FSCN2: variants seen among roughly 807,000 people sequenced by gnomAD.
FSCN2 encodes fascin-2.
Under a neutral mutation model 37.8 loss-of-function variants are expected in FSCN2, and 46 were observed. The observed-to-expected ratio is 1.22, with a 90% CI of 0.96 to 1.56. The LOEUF is 1.56. Ranked by LOEUF, FSCN2 falls within the 40% of genes most tolerant of loss-of-function variation. The pLI, the probability that FSCN2 is intolerant of heterozygous loss-of-function variation, is 0.00. For synonymous variants in FSCN2, 351 were observed against 309.4 expected, an observed-to-expected ratio of 1.13 and a Z score of -1.41; for missense variants, 844 against 730.4, an observed-to-expected ratio of 1.16 and a Z score of -1.79.
the FSCN2 span, among the ~76,000 whole-genome samples, chr17:81,523,366 C>A: frequency 6.6e-6 from 1 of 152,366 alleles, no homozygotes; most frequent in South Asian, 2.1e-4. Flanking sequence ...CCAACCCAGG[C>A]CAGAGAAAGA....
intron 1 of FSCN2, among the ~76,000 whole-genome samples, chr17:81,532,248 G>GTGA (rs548692502): frequency 7.4e-6 from 1 of 134,456 alleles, no homozygotes; most frequent in Admixed American, 7.5e-5. Flanking sequence ...GATGGTGATG[G>GTGA]TGATGATGAT....
At chr17:81,531,605 AATGGTGATG>A (rs1227363757) in intron 1 of FSCN2, among the ~76,000 whole-genome samples, 4 of 27,584 alleles carry the variant, frequency 1.5e-4, no homozygotes, top group Non-Finnish European at 2.8e-4. Context: ...TAGTGATGAT[AATGGTGATG>A]ATGGTGATGG....
upstream of FSCN2, among the ~76,000 whole-genome samples, chr17:81,525,708 G>A (rs1202613194): frequency 1.3e-5 from 2 of 152,172 alleles, no homozygotes; most frequent in Non-Finnish European, 2.9e-5. Context: ...CTGGGTGACA[G>A]TGTGAGACTC....
chr17:81,515,966 T>C, the FSCN2 span, among the ~76,000 whole-genome samples: 1 of 152,276 alleles, frequency 6.6e-6, no homozygotes, highest in Non-Finnish European at 1.5e-5. Context: ...GGCCTTAGCC[T>C]CCCGAGTAGC....
chr17:81,536,625 A>G lies in FSCN2; in HGVS notation c.1109A>G (p.Lys370Arg), dbSNP rs2032887553. The change falls in exon 4 of 5, where the codon AAG becomes AGG. Residue 370 changes from lysine to arginine, a missense_variant. Transcript: ENST00000417245. ...CAGCAGACGCTCTCCCCGCCAGGCA[A>G]GGACGAAGAGTTCACCCTCAAGCTC... ...QLAAISDFVGKDEEFTLKLIN... is the reference protein window; with the variant it reads ...QLAAISDFVGRDEEFTLKLIN... The G allele has an allele frequency of 2.5e-6, 4 of 1,609,284 alleles. No individual in the cohort carries two copies. The highest frequency in any genetic ancestry group is 2.2e-5 in the South Asian group (2 of 91,030).
the FSCN2 span, among the ~76,000 whole-genome samples, chr17:81,520,723 G>C: frequency 2.0e-5 from 3 of 152,218 alleles, no homozygotes; most frequent in Non-Finnish European, 2.9e-5. Flanking sequence ...CCAGAGTCCA[G>C]GTGTTGTGTT....
the FSCN2 span, among the ~76,000 whole-genome samples, chr17:81,521,010 C>T: frequency 6.6e-6 from 1 of 152,068 alleles, no homozygotes; most frequent in African/African-American, 2.4e-5. Context: ...TGACTTCTAA[C>T]CCTTCAGCGG....
the FSCN2 span, among the ~76,000 whole-genome samples, chr17:81,519,865 C>T: frequency 6.6e-6 from 1 of 152,228 alleles, no homozygotes; most frequent in African/African-American, 2.4e-5. Context: ...GACCCTGGCC[C>T]TGGGTGCGGG....
chr17:81,536,382 G>T, intron 3 of FSCN2, 115 bp downstream of exon 3: 4 of 1,458,192 alleles, frequency 2.7e-6, no homozygotes, highest in Non-Finnish European at 3.7e-6. Flanking sequence ...CACGGAACGG[G>T]TGCTGTCATG....
upstream of FSCN2, among the ~76,000 whole-genome samples, chr17:81,526,300 C>A (rs1401438270): frequency 6.6e-6 from 1 of 152,214 alleles, no homozygotes; most frequent in Non-Finnish European, 1.5e-5. Context: ...CCTCCGGCTT[C>A]CCCCACCGCT....
rs201537368 is a variant in FSCN2, at chr17:81,531,312, G to A, written c.826+1955G>A. Among the ~76,000 whole-genome samples, 206 of 59,798 alleles carry A rather than the reference G, an allele frequency of 3.4e-3. 8 individuals carry two copies. The South Asian group carries it at 0.048, about 14-fold the overall frequency. 39.2% of individuals were successfully genotyped at this position (59,798 alleles called of 152,430 possible). A position where few individuals can be genotyped will look rare whatever the true frequency, so the allele number is the denominator to read the frequency against. On this transcript the variant is annotated intron_variant, in intron 1 of 4. Coordinates refer to ENST00000417245, the MANE Select transcript of FSCN2 (RefSeq NM_012418.4). ...GATGGTGGTGATGGTGATGGTGGTG[G>A]TGGTGATGATGGTGGTGGTGGTGAT...
At chr17:81,531,297 A>ATGGTGATGATGG (rs1568077054) in intron 1 of FSCN2, among the ~76,000 whole-genome samples, 26 of 44,370 alleles carry the variant, frequency 5.9e-4, no homozygotes, top group African/African-American at 2.5e-3. Flanking sequence ...GATGGTGGTG[A>ATGGTGATGATGG]TGGTGATGGT....
chr17:81,525,756 TC>T (rs2032333029), upstream of FSCN2, among the ~76,000 whole-genome samples: 1 of 152,080 alleles, frequency 6.6e-6, no homozygotes, highest in Non-Finnish European at 1.5e-5. Flanking sequence ...ATAACCAGAC[TC>T]CCGACATCCA....
chr17:81,529,459 C>A, intron 1 of FSCN2, 102 bp downstream of exon 1: 1 of 937,236 alleles, frequency 1.1e-6, no homozygotes, highest in Non-Finnish European at 1.7e-6. Context: ...CGTGTCTGTG[C>A]GTTCACATGT....
At chr17:81,529,423 CG>C in intron 1 of FSCN2, 66 bp downstream of exon 1, 1 of 1,232,802 alleles carries the variant, frequency 8.1e-7, no homozygotes, top group Non-Finnish European at 1.1e-6. Context: ...GGGAGGAGGC[CG>C]TGGGGGTCTC....
intron 1 of FSCN2, among the ~76,000 whole-genome samples, chr17:81,534,269 C>T (rs992645990): frequency 6.7e-6 from 1 of 148,750 alleles, no homozygotes; most frequent in African/African-American, 2.6e-5. Context: ...CACCCTCAGG[C>T]CCTGTGGGGG....
At chr17:81,519,523 G>A in the FSCN2 span, among the ~76,000 whole-genome samples, 1 of 152,178 alleles carries the variant, frequency 6.6e-6, no homozygotes. Flanking sequence ...TGGGCCGCCA[G>A]GTGGGTGCCG....
chr17:81,522,763 T>C, the FSCN2 span, among the ~76,000 whole-genome samples: 1 of 152,196 alleles, frequency 6.6e-6, no homozygotes, highest in Non-Finnish European at 1.5e-5. Flanking sequence ...TGTGCCCCTG[T>C]GTGTAAGTCC....
the FSCN2 span, among the ~76,000 whole-genome samples, chr17:81,521,103 T>C: frequency 5.9e-5 from 9 of 152,308 alleles, no homozygotes; most frequent in African/African-American, 2.2e-4. Flanking sequence ...GTTTCACTCT[T>C]GTTGCCCAGG....
Sources: gnomAD v4.1 joint callset for allele counts (sites outside exome capture counted in the v4.1 genomes callset) on GRCh38, gnomAD v4.1.1 for gene constraint, MANE v1.5 for transcripts, NCBI Gene and HGNC (gene_info 2026-07-23, HGNC 2026-07-21) for gene names.